STAMBP: variants seen among roughly 807,000 people sequenced by gnomAD.
STAMBP encodes the protein STAM-binding protein.
A neutral mutation model predicts 50.7 loss-of-function variants in STAMBP; 31 were observed. That is an observed-to-expected ratio of 0.61 (90% CI 0.46 to 0.83). The LOEUF is 0.83. STAMBP is among the 40% of genes least tolerant of loss of function. The probability of loss-of-function intolerance (pLI) is 0.00; values close to 1 mark genes in which losing one functional copy is unlikely to be tolerated. For missense variants in STAMBP, 472 were observed against 518.9 expected, an observed-to-expected ratio of 0.91 and a Z score of 0.88; for synonymous variants, 211 against 192.4, an observed-to-expected ratio of 1.10 and a Z score of -0.80.
At chr2:73,853,780 A>G (rs1208834659) in intron 7 of STAMBP, among the ~76,000 whole-genome samples, 1 of 152,208 alleles carries the variant, frequency 6.6e-6, no homozygotes, top group African/African-American at 2.4e-5. Context: ...ATCTATGTAC[A>G]TACACTACCT....
intron 2 of STAMBP, among the ~76,000 whole-genome samples, chr2:73,840,090 G>C (rs1204169200): frequency 6.6e-6 from 1 of 152,014 alleles, no homozygotes; most frequent in Non-Finnish European, 1.5e-5. Context: ...GCATACTTCT[G>C]TTTATTGTCT....
chr2:73,839,291 A>C (rs1422826780), intron 2 of STAMBP, among the ~76,000 whole-genome samples: 1 of 152,226 alleles, frequency 6.6e-6, no homozygotes, highest in Non-Finnish European at 1.5e-5. Flanking sequence ...ATATTAAATC[A>C]GTACATATTT....
intron 2 of STAMBP, among the ~76,000 whole-genome samples, chr2:73,831,962 GTTC>G (rs911422052): frequency 4.0e-5 from 6 of 151,704 alleles, no homozygotes; most frequent in African/African-American, 1.5e-4. Flanking sequence ...CATAGGTCCT[GTTC>G]TTCTTGTTTT....
rs1678617622 is a variant in STAMBP, at chr2:73,863,886, A to G, written c.*1627A>G. 6.6e-6 allele frequency: 1 copy of G among 152,152 alleles called. No homozygotes were observed. Among genetic ancestry groups the G allele is most frequent in the Non-Finnish European group, 1.5e-5 (1 of 68,036 alleles). 9.4% of individuals were successfully genotyped at this position (152,152 alleles called of 1,614,324 possible). Reference sequence around the variant, plus strand: ...TTCTTCATTCCAGTCTGTTCTGCACACTTTGATCAGGAGAAGCTTCTCACA... The same window carrying G: ...TTCTTCATTCCAGTCTGTTCTGCACGCTTTGATCAGGAGAAGCTTCTCACA... On this transcript the variant is annotated 3_prime_UTR_variant, in exon 10 of 10. Coordinates refer to ENST00000394070, the MANE Select transcript of STAMBP (RefSeq NM_213622.4).
chr2:73,856,815 C>T (rs539205360), intron 7 of STAMBP, among the ~76,000 whole-genome samples: 1 of 152,340 alleles, frequency 6.6e-6, no homozygotes, highest in African/African-American at 2.4e-5. Context: ...CCTGTCTCCA[C>T]TCCTACTGTC....
At chr2:73,870,429 A>G (rs1255911076), downstream of STAMBP, 3 of 152,204 alleles carry the variant, frequency 2.0e-5, no homozygotes, top group Admixed American at 6.5e-5. Flanking sequence ...AGTCCTGGGT[A>G]CCCATCTGGG....
chr2:73,843,880 C>T (rs970297351), intron 2 of STAMBP, among the ~76,000 whole-genome samples: 1 of 152,136 alleles, frequency 6.6e-6, no homozygotes, highest in Non-Finnish European at 1.5e-5. Flanking sequence ...TTTTTTATCT[C>T]AGTTTCTGTG....
Position 73,862,387 on chromosome 2 carries a change from A to G in STAMBP, c.*128A>G. ...TAGAAAGGGGGGCATCACCTGAGAA[A>G]GAGCTGATTTTGTATTTCAGGTTTG... On this transcript the variant is annotated 3_prime_UTR_variant, in exon 10 of 10. Transcript: ENST00000394070. 1 of 606,328 alleles carries G rather than the reference A, an allele frequency of 1.6e-6. No individual in the cohort carries two copies. Among genetic ancestry groups the G allele is most frequent in the South Asian group, 5.3e-5 (1 of 18,946 alleles). 37.6% of individuals were successfully genotyped at this position (606,328 alleles called of 1,614,324 possible).
At chr2:73,849,624 T>C in intron 6 of STAMBP, 137 bp downstream of exon 6, 1 of 1,189,088 alleles carries the variant, frequency 8.4e-7, no homozygotes. Flanking sequence ...CATAATTTCA[T>C]GTCACTTTGA....
chr2:73,846,889 C>T (rs1049844792), intron 4 of STAMBP, among the ~76,000 whole-genome samples: 2 of 151,972 alleles, frequency 1.3e-5, no homozygotes, highest in African/African-American at 4.8e-5. Flanking sequence ...CAAGACTAGC[C>T]TGGGCAACAT....
intron 2 of STAMBP, among the ~76,000 whole-genome samples, chr2:73,834,236 A>AATATATATAT (rs148699255): frequency 8.2e-5 from 3 of 36,408 alleles, no homozygotes; most frequent in African/African-American, 3.3e-4. Flanking sequence ...AAAAAAAAAA[A>AATATATATAT]ATATATATAT....
rs746688176 is a variant in STAMBP, at chr2:73,847,479, A to G, written c.468A>G (p.Gln156=). 1.2e-6 allele frequency: 2 copies of G among 1,614,248 alleles called. No homozygotes were observed. Among genetic ancestry groups the G allele is most frequent in the Non-Finnish European group, 1.7e-6 (2 of 1,180,044 alleles). ...KQRVAQQKQQ[Q]LEQEQFHAFE... ...GGGTAGCACAACAGAAGCAGCAGCA[A>G]TTGGAACAGGAACAGTTCCATGCCT... The change falls in exon 5 of 10, where the codon CAA becomes CAG. Residue 156 remains glutamine (Q), a synonymous_variant. Coordinates refer to ENST00000394070, the MANE Select transcript of STAMBP (RefSeq NM_213622.4).
Position 73,858,834 on chromosome 2 carries a change from C to G in STAMBP, c.1006-420C>G, listed in dbSNP as rs576292812. On this transcript the variant is annotated intron_variant, in intron 7 of 9. Coordinates refer to ENST00000394070, the MANE Select transcript of STAMBP (RefSeq NM_213622.4). ...GGAGATTGTGACCAGCTGTTGAGAA[C>G]TGTTTGGCTTTACTTCCTTCAGAGA... 2.6e-5 allele frequency among the ~76,000 whole-genome samples: 4 copies of G among 152,290 alleles called. No individual in the cohort carries two copies. In the East Asian group the frequency reaches 7.7e-4, roughly 29 times the overall value.
In STAMBP at chr2:73,850,307, T is replaced by G; in HGVS notation, c.868-69T>G. 6.5e-7 allele frequency: 1 copy of G among 1,533,500 alleles called. No homozygotes were observed. Among genetic ancestry groups the G allele is most frequent in the East Asian group, 2.3e-5 (1 of 42,938 alleles). 95.0% of individuals were successfully genotyped at this position (1,533,500 alleles called of 1,614,324 possible). The stretch of plus-strand genomic sequence containing the variant: ...TGTATAGATGCTTACCTTTCCACTG[T>G]CGGGATGGAGTGGAGCAGGGTTGCA... On this transcript the variant is annotated intron_variant, in intron 6 of 9. Transcript: ENST00000394070. The surrounding 1 kb of genome is among the most constrained non-coding windows in gnomAD (Gnocchi z 4.3).
At chr2:73,857,349 G>A (rs754820436) in intron 7 of STAMBP, among the ~76,000 whole-genome samples, 6 of 152,114 alleles carry the variant, frequency 3.9e-5, no homozygotes, top group Admixed American at 2.6e-4. Context: ...CAGAGTCCCC[G>A]TTTTGAGTAG....
intron 2 of STAMBP, among the ~76,000 whole-genome samples, chr2:73,843,406 G>GTGTGTATATATATATATA (rs1458780751): frequency 5.4e-5 from 7 of 129,962 alleles, no homozygotes; most frequent in African/African-American, 2.3e-4. Flanking sequence ...GTTTGTGTAT[G>GTGTGTATATATATATATA]TATATATATA....
At chr2:73,830,209 T>A (rs1352675693) in intron 1 of STAMBP, among the ~76,000 whole-genome samples, 1 of 152,254 alleles carries the variant, frequency 6.6e-6, no homozygotes, top group Non-Finnish European at 1.5e-5. Context: ...TTTAAGTCTC[T>A]TGCCATGATA....
chr2:73,871,747 T>C (rs1273946611), downstream of STAMBP, among the ~76,000 whole-genome samples: 6 of 152,130 alleles, frequency 3.9e-5, no homozygotes. Flanking sequence ...TTATAGCCTA[T>C]TGCCTTGGTA....
chr2:73,833,960 C>G (rs1205400027), intron 2 of STAMBP, among the ~76,000 whole-genome samples: 1 of 151,766 alleles, frequency 6.6e-6, no homozygotes, highest in Middle Eastern at 3.2e-3. Flanking sequence ...CCTGTAATCC[C>G]AGCACTTTGG....
Sources: gnomAD v4.1 joint callset for allele counts (sites outside exome capture counted in the v4.1 genomes callset) on GRCh38, gnomAD v4.1.1 for gene constraint, Gnocchi (gnomAD v3.1) non-coding constraint, MANE v1.5 for transcripts, NCBI Gene and HGNC (gene_info 2026-07-23, HGNC 2026-07-21) for gene names.